The following SLC2A9 variants were observed in gnomAD, a reference collection of about 807,000 sequenced individuals.
SLC2A9 encodes solute carrier family 2, facilitated glucose transporter member 9.
In SLC2A9, 39 loss-of-function variants were observed where a neutral mutation model predicts 50.6. The ratio of observed to expected loss-of-function variants is 0.77; its 90% confidence interval spans 0.60 to 1.01. The LOEUF (loss-of-function observed/expected upper bound fraction) is 1.01, where lower values mean the gene tolerates loss of function less well. Among genes scored for constraint, SLC2A9 ranks in the 50% least tolerant of loss-of-function variants. SLC2A9 has a pLI of 0.00. For synonymous variants in SLC2A9, 324 were observed against 276.9 expected (o/e 1.17, Z -1.69); for missense variants, 686 against 677.6 (o/e 1.01, Z -0.14).
chr4:9,803,672 T>G (rs751973583), intron 3 of SLC2A9, among the ~76,000 whole-genome samples: 5 of 152,236 alleles, frequency 3.3e-5, no homozygotes, highest in African/African-American at 4.8e-5. Flanking sequence ...TCAGTAGCAC[T>G]TGCTATCACT....
At chr4:9,776,787 T>A (rs1392146512), downstream of SLC2A9, among the ~76,000 whole-genome samples, 1 of 152,184 alleles carries the variant, frequency 6.6e-6, no homozygotes, top group Non-Finnish European at 1.5e-5. Flanking sequence ...TGAAGGCTCG[T>A]AGTTATTGTC....
intron 10 of SLC2A9, among the ~76,000 whole-genome samples, chr4:9,839,918 A>C (rs1727767474): frequency 6.6e-6 from 1 of 152,040 alleles, no homozygotes; most frequent in Non-Finnish European, 1.5e-5. Context: ...TGCATAACAA[A>C]CCCTTATGAA....
At chr4:9,993,218 C>T (rs987926750) in intron 3 of SLC2A9, among the ~76,000 whole-genome samples, 4 of 152,178 alleles carry the variant, frequency 2.6e-5, no homozygotes, top group Admixed American at 1.3e-4. Context: ...GTGTGTTTTC[C>T]TATAGTTTCT....
intron 1 of SLC2A9, among the ~76,000 whole-genome samples, chr4:10,036,834 T>C (rs1361010048): frequency 6.6e-6 from 1 of 152,234 alleles, no homozygotes; most frequent in African/African-American, 2.4e-5. Flanking sequence ...AATCTCTTGA[T>C]GCGTATTGAT....
Position 9,782,782 on chromosome 4 carries a change from C to T in SLC2A9, n.386-2717G>A, listed in dbSNP as rs539415876. On this transcript the variant is annotated intron_variant and non_coding_transcript_variant, in intron 3 of 3. Transcript: ENST00000503803. ...TGACCTACACGCGCATCTACCGCAT[C>T]GCCCAGGTGCAGATCCGCAGGATTT... is the stretch of plus-strand genomic sequence containing the variant. 4.8e-5 allele frequency: 77 copies of T among 1,613,988 alleles called. No homozygotes were observed. In the Middle Eastern group the frequency reaches 8.3e-4, roughly 17 times the overall value.
intron 5 of SLC2A9, among the ~76,000 whole-genome samples, chr4:9,969,512 G>GT (rs1015786213): frequency 2.6e-5 from 4 of 152,088 alleles, no homozygotes; most frequent in African/African-American, 4.8e-5. Flanking sequence ...GATCAATGTG[G>GT]TTTTTTTCCC....
chr4:9,889,721 T>G lies in SLC2A9; in HGVS notation c.1215+889A>C, dbSNP rs187386256. Among the ~76,000 whole-genome samples, 25 of 152,332 alleles carry G rather than the reference T, an allele frequency of 1.6e-4. No individual in the cohort carries two copies. In the East Asian group the frequency reaches 4.1e-3, roughly 25 times the overall value. On this transcript the variant is annotated intron_variant, in intron 9 of 11. Coordinates refer to ENST00000264784, the MANE Select transcript of SLC2A9 (RefSeq NM_020041.3). ...GTGCACCTATCAATTTCCAGATGCATTTTTGAAAAATGCAAAGATTAATCA... is the reference window on the plus strand; with the variant it reads ...GTGCACCTATCAATTTCCAGATGCAGTTTTGAAAAATGCAAAGATTAATCA...
intron 6 of SLC2A9, 91 bp from the exon 7 acceptor site, chr4:9,920,663 T>A: frequency 6.9e-7 from 1 of 1,453,254 alleles, no homozygotes; most frequent in Non-Finnish European, 9.6e-7. Context: ...TCCCACCTCC[T>A]AGCCACACAC....
chr4:9,882,938 T>C (rs985724063), intron 10 of SLC2A9, among the ~76,000 whole-genome samples: 10 of 152,128 alleles, frequency 6.6e-5, no homozygotes, highest in African/African-American at 2.2e-4. Context: ...CCTGGTCTAC[T>C]TAGATGGTAA....
At chr4:9,909,191 T>C (rs1741246301) in intron 7 of SLC2A9, among the ~76,000 whole-genome samples, 1 of 152,198 alleles carries the variant, frequency 6.6e-6, no homozygotes, top group Non-Finnish European at 1.5e-5. Context: ...AAGCCACTTG[T>C]TTAGATGCTG....
Position 9,920,490 on chromosome 4 carries a change from G to C in SLC2A9, c.897C>G (p.Ile299Met). 6.2e-7 allele frequency: 1 copy of C among 1,614,192 alleles called. No homozygotes were observed. Among genetic ancestry groups the C allele is most frequent in the Non-Finnish European group, 8.5e-7 (1 of 1,180,030 alleles). Residue 299 changes from isoleucine (I) to methionine (M), a missense_variant, in exon 7 of 12, where the codon ATC becomes ATG. Ile to Met is a conservative substitution (Grantham distance 10). Transcript: ENST00000264784. ...VLAESRVQRS[I>M]RLVSVLELLR... ...GCAGCTCCAGCACGGACACCAGGCG[G>C]ATGCTCCTCTGCACGCGGCTCTCAG...
chr4:9,858,960 C>T, intron 10 of SLC2A9, among the ~76,000 whole-genome samples: 1 of 152,192 alleles, frequency 6.6e-6, no homozygotes, highest in Non-Finnish European at 1.5e-5. Flanking sequence ...CTGGATGCTT[C>T]CTGCCCTTGA....
At chr4:9,985,865 G>T in intron 3 of SLC2A9, 72 bp from the exon 4 acceptor site, 1 of 1,605,898 alleles carries the variant, frequency 6.2e-7, no homozygotes, top group Non-Finnish European at 8.5e-7. Context: ...CATCCCAGGA[G>T]CAGGAGCCAG....
intron 2 of SLC2A9, among the ~76,000 whole-genome samples, chr4:10,016,778 G>C (rs78285473): frequency 6.6e-6 from 1 of 152,214 alleles, no homozygotes; most frequent in South Asian, 2.1e-4. Flanking sequence ...CATGGTTAAA[G>C]AAAAATAAAT....
At chr4:9,883,132 TACACACAC>T (rs56300042) in intron 10 of SLC2A9, among the ~76,000 whole-genome samples, 104 of 149,578 alleles carry the variant, frequency 7.0e-4, no homozygotes, top group East Asian at 6.5e-3. Context: ...GCAAGCTATC[TACACACAC>T]ACACACACAC....
intron 3 of SLC2A9, among the ~76,000 whole-genome samples, chr4:9,987,511 A>C (rs193146811): frequency 2.6e-5 from 4 of 152,290 alleles, no homozygotes; most frequent in South Asian, 2.1e-4. Context: ...CTATAGACTC[A>C]ATGAGTTAAC....
At position 9,996,644 on chromosome 4, in the gene SLC2A9, C is replaced by T. The variant is rs78205502; in HGVS notation, c.410+137G>A. On this transcript the variant is annotated intron_variant, in intron 3 of 11. Coordinates refer to ENST00000264784, the MANE Select transcript of SLC2A9 (RefSeq NM_020041.3). ...GGACCTTGGTCTCTGATTTCTTCCCCTTTCCCCTTTGGGCATTTGAATCTC... is the reference window on the plus strand; with the variant it reads ...GGACCTTGGTCTCTGATTTCTTCCCTTTTCCCCTTTGGGCATTTGAATCTC... 384 of 1,102,086 alleles carry T rather than the reference C, an allele frequency of 3.5e-4. 1 individual carries two copies. In the East Asian group the frequency reaches 4.0e-3, roughly 11 times the overall value. 68.3% of individuals were successfully genotyped at this position (1,102,086 alleles called of 1,614,324 possible). A position where few individuals can be genotyped will look rare whatever the true frequency, so the allele number is the denominator to read the frequency against.
At chr4:9,772,306 G>A (rs1219674975) in intron 1 of SLC2A9, among the ~76,000 whole-genome samples, 1 of 151,498 alleles carries the variant, frequency 6.6e-6, no homozygotes, top group Non-Finnish European at 1.5e-5. Flanking sequence ...ATGAATCAAT[G>A]ATAGCTTCCA....
chr4:9,844,222 A>G (rs1198299010), intron 10 of SLC2A9, among the ~76,000 whole-genome samples: 2 of 148,454 alleles, frequency 1.3e-5, no homozygotes, highest in Non-Finnish European at 3.0e-5. Flanking sequence ...AAGAGGTGAT[A>G]TGGATTGAGG....
Sources: allele counts gnomAD v4.1 joint callset (sites outside exome capture counted in the v4.1 genomes callset), GRCh38; gene constraint gnomAD v4.1.1; transcripts MANE v1.5; gene names NCBI Gene and HGNC (gene_info 2026-07-23, HGNC 2026-07-21).